CNDP1: variants seen among roughly 807,000 people sequenced by gnomAD.
CNDP1 encodes the protein carnosine dipeptidase 1.
A neutral mutation model predicts 58.1 loss-of-function variants in CNDP1; 44 were observed. The ratio of observed to expected loss-of-function variants is 0.76; its 90% confidence interval spans 0.60 to 0.97. The LOEUF (loss-of-function observed/expected upper bound fraction) is 0.97. Among genes scored for constraint, CNDP1 ranks in the 50% least tolerant of loss-of-function variants. CNDP1 has a pLI of 0.00. For missense variants in CNDP1, 616 were observed against 655.1 expected, an observed-to-expected ratio of 0.94 and a Z score of 0.65; for synonymous variants, 254 against 252.6, an observed-to-expected ratio of 1.01 and a Z score of -0.05.
intron 5 of CNDP1, among the ~76,000 whole-genome samples, chr18:74,564,493 C>A (rs1304705264): frequency 6.6e-6 from 1 of 152,124 alleles, no homozygotes; most frequent in Non-Finnish European, 1.5e-5. Context: ...TGAAAAATAA[C>A]AGCTACTTGA....
chr18:74,542,703 C>CT (rs764556113), intron 1 of CNDP1, among the ~76,000 whole-genome samples: 42 of 152,288 alleles, frequency 2.8e-4, no homozygotes, highest in Admixed American at 5.2e-4. Context: ...GTTTTAAAAT[C>CT]TGATTTCGCT....
In CNDP1 at chr18:74,582,707, C is replaced by T. The variant is rs558359370; in HGVS notation, c.1310-854C>T. Among the ~76,000 whole-genome samples, 4 of 151,906 alleles carry T rather than the reference C, an allele frequency of 2.6e-5. No homozygotes were observed. In the East Asian group the frequency reaches 7.7e-4, roughly 29 times the overall value. ...TGAAAGACAAGGAAATACTGAGAAA[C>T]GTCTGCAGCATACAAGAAACTAAGA... is the stretch of plus-strand genomic sequence containing the variant. On this transcript the variant is annotated intron_variant, in intron 10 of 11. Transcript: ENST00000358821.
rs1328459030 is a variant in CNDP1, at chr18:74,560,885, T to A, written c.333T>A (p.Pro111=). 6.8e-6 allele frequency: 11 copies of A among 1,613,976 alleles called. No individual in the cohort carries two copies. The highest frequency in any genetic ancestry group is 9.3e-6 in the Non-Finnish European group (11 of 1,179,970). The change falls in exon 4 of 12, where the codon CCT becomes CCA. Residue 111 remains proline (P), a synonymous_variant. Coordinates refer to ENST00000358821, the MANE Select transcript of CNDP1 (RefSeq NM_032649.6). Reference sequence around the variant, plus strand: ...CCGATGGTCAGAGTCTTCCAATACCTCCCGTCATCCTGGCCGAACTGGGGA... The same window carrying A: ...CCGATGGTCAGAGTCTTCCAATACCACCCGTCATCCTGGCCGAACTGGGGA... ...QLPDGQSLPI[P]PVILAELGSD... is the part of the protein sequence containing the mutation.
chr18:74,536,263 T>C (rs1162188498), intron 1 of CNDP1, among the ~76,000 whole-genome samples: 2 of 152,136 alleles, frequency 1.3e-5, no homozygotes, highest in Non-Finnish European at 2.9e-5. Flanking sequence ...TAGTACTCAT[T>C]AGTTATTTTT....
At position 74,580,123 on chromosome 18, in the gene CNDP1, C is replaced by T. The variant is rs201393436; in HGVS notation, c.1168-7C>T. The T allele has an allele frequency of 7.9e-5, 128 of 1,610,826 alleles. No individual in the cohort carries two copies. Among genetic ancestry groups the T allele is most frequent in the Non-Finnish European group, 1.1e-4 (124 of 1,178,030 alleles). ...TTTCTCTTATCATTGAAAATGTCAC[C>T]TTTTAGGTGACACGACATCTTGAAG... is the stretch of plus-strand genomic sequence containing the variant. On this transcript the variant is annotated splice_polypyrimidine_tract_variant and splice_region_variant and intron_variant, in intron 9 of 11. Coordinates refer to ENST00000358821, the MANE Select transcript of CNDP1 (RefSeq NM_032649.6).
At chr18:74,568,779 G>A (rs552025532) in intron 6 of CNDP1, among the ~76,000 whole-genome samples, 1 of 152,262 alleles carries the variant, frequency 6.6e-6, no homozygotes, top group African/African-American at 2.4e-5. Context: ...GAAGAGAAGG[G>A]ATGGGAGGAT....
At chr18:74,559,941 A>G (rs1981143438) in intron 3 of CNDP1, among the ~76,000 whole-genome samples, 1 of 151,528 alleles carries the variant, frequency 6.6e-6, no homozygotes, top group African/African-American at 2.4e-5. Flanking sequence ...TTTAGCACTG[A>G]GGAACCTCAG....
chr18:74,536,179 AG>A (rs899766863), intron 1 of CNDP1, among the ~76,000 whole-genome samples: 4 of 152,156 alleles, frequency 2.6e-5, no homozygotes, highest in Non-Finnish European at 4.4e-5. Context: ...GTACATGTGC[AG>A]GTTTCTTACA....
At chr18:74,540,623 G>A (rs1056901001) in intron 1 of CNDP1, among the ~76,000 whole-genome samples, 1 of 152,198 alleles carries the variant, frequency 6.6e-6, no homozygotes, top group African/African-American at 2.4e-5. Context: ...TTAGATGTGT[G>A]GGGGTGTAAC....
At chr18:74,579,201 T>C (rs12959706) in intron 9 of CNDP1, among the ~76,000 whole-genome samples, 1 of 83,648 alleles carries the variant, frequency 1.2e-5, no homozygotes, top group South Asian at 5.2e-4. Context: ...TTCCCTTCCC[T>C]TGCCTTCCCT....
intron 5 of CNDP1, 23 bp from the exon 6 acceptor site, chr18:74,567,210 T>C: frequency 6.2e-7 from 1 of 1,605,910 alleles, no homozygotes; most frequent in Non-Finnish European, 8.5e-7. Flanking sequence ...CTTGTGCAAT[T>C]TTTTTCTTCT....
chr18:74,566,302 C>T (rs910792409), intron 5 of CNDP1, among the ~76,000 whole-genome samples: 1 of 152,222 alleles, frequency 6.6e-6, no homozygotes, highest in Non-Finnish European at 1.5e-5. Context: ...ACATTAGGCT[C>T]CTTACTACTT....
At position 74,577,182 on chromosome 18, in the gene CNDP1, A is replaced by G; in HGVS notation, c.1002+153A>G. 2 of 657,032 alleles carry G rather than the reference A, an allele frequency of 3.0e-6. 1 individual carries two copies. The highest frequency in any genetic ancestry group is 8.6e-4 in the Middle Eastern group (2 of 2,318). The allele number at this position is 657,032 out of a possible 1,614,324, so 40.7% of individuals were successfully genotyped here. On this transcript the variant is annotated intron_variant, in intron 8 of 11. Coordinates refer to ENST00000358821, the MANE Select transcript of CNDP1 (RefSeq NM_032649.6). ...AGGCATATTTTTGACATTCACAGCCACTTCCCCGTGGGCTGGATCAACCAG... is the reference window on the plus strand; with the variant it reads ...AGGCATATTTTTGACATTCACAGCCGCTTCCCCGTGGGCTGGATCAACCAG...
chr18:74,584,728 A>G lies in CNDP1; in HGVS notation c.*166A>G. ...ATCTGGATCAGTAATAAAATATTTC[A>G]AAGGCACAGATGTTGGAAATGGTTT... On this transcript the variant is annotated 3_prime_UTR_variant, in exon 12 of 12. Transcript: ENST00000358821. 1.7e-6 allele frequency: 1 copy of G among 599,448 alleles called. No homozygotes were observed. The highest frequency in any genetic ancestry group is 2.8e-5 in the East Asian group (1 of 35,784). The allele number at this position is 599,448 out of a possible 1,614,324, so 37.1% of individuals were successfully genotyped here.
At chr18:74,580,356 T>A in intron 10 of CNDP1, 85 bp downstream of exon 10, 1 of 1,372,200 alleles carries the variant, frequency 7.3e-7, no homozygotes, top group Non-Finnish European at 1.0e-6. Flanking sequence ...AGCAGACACT[T>A]TTAAAACTCA....
intron 11 of CNDP1, 186 bp downstream of exon 11, chr18:74,583,894 C>T (rs1172327798): frequency 5.0e-6 from 3 of 602,426 alleles, no homozygotes; most frequent in Non-Finnish European, 8.6e-6. Context: ...GGTGCCAGGC[C>T]ATTTGGTTCC....
intron 3 of CNDP1, among the ~76,000 whole-genome samples, chr18:74,560,141 G>A (rs1207172832): frequency 4.0e-5 from 6 of 150,608 alleles, no homozygotes; most frequent in African/African-American, 9.7e-5. Context: ...TCAGCCTCCC[G>A]AGTAGCTGGG....
intron 7 of CNDP1, among the ~76,000 whole-genome samples, chr18:74,573,186 C>A (rs1981532159): frequency 6.6e-6 from 1 of 152,012 alleles, no homozygotes; most frequent in African/African-American, 2.4e-5. Flanking sequence ...ATCTATCCAT[C>A]CATTATCTAT....
chr18:74,534,683 G>A lies in CNDP1; in HGVS notation c.16G>A (p.Gly6Arg), dbSNP rs11151964. Reference protein sequence around the residue: MDPKLGRMAASLLAVL... With the variant: MDPKLRRMAASLLAVL... ...CTCCAGCCTAATGGATCCCAAACTC[G>A]GGAGAATGGTGAGTAGGACCTCCTC... is the stretch of plus-strand genomic sequence containing the variant. Residue 6 changes from glycine (G) to arginine (R), a missense_variant, in exon 1 of 12, where the codon GGG (glycine) becomes AGG (arginine). By Grantham distance (125) the Gly-to-Arg change is moderately radical. Transcript: ENST00000358821. The A allele has an allele frequency of 0.12, 191,343 of 1,613,434 alleles. 11,681 individuals carry two copies. The highest frequency in any genetic ancestry group is 0.16 in the Middle Eastern group (957 of 6,058).
Sources: allele counts gnomAD v4.1 joint callset (sites outside exome capture counted in the v4.1 genomes callset), GRCh38; gene constraint gnomAD v4.1.1; transcripts MANE v1.5; gene names NCBI Gene and HGNC (gene_info 2026-07-23, HGNC 2026-07-21).